CENPH: variants seen among roughly 807,000 people sequenced by gnomAD.
CENPH encodes the protein centromere protein H.
CENPH carries 40 observed loss-of-function variants against 42.9 expected under a neutral mutation model. The observed-to-expected ratio is 0.93, with a 90% CI of 0.72 to 1.21. The LOEUF is 1.21. CENPH is among the 50% of genes most tolerant of loss of function. The pLI is 0.00. For synonymous variants in CENPH, 88 were observed against 96.5 expected, an observed-to-expected ratio of 0.91 and a Z score of 0.52; for missense variants, 302 against 292.9, an observed-to-expected ratio of 1.03 and a Z score of -0.23.
intron 4 of CENPH, among the ~76,000 whole-genome samples, chr5:69,196,280 A>G (rs562348339): frequency 8.5e-5 from 13 of 152,262 alleles, no homozygotes; most frequent in Admixed American, 3.9e-4. Flanking sequence ...ATGCTCCTCA[A>G]TTTGCAGTGG....
chr5:69,195,282 T>G (rs1005946409), intron 3 of CENPH, among the ~76,000 whole-genome samples: 3 of 152,104 alleles, frequency 2.0e-5, no homozygotes, highest in African/African-American at 7.2e-5. Flanking sequence ...CCCAGGCTGT[T>G]CTCAAACTCC....
chr5:69,203,361 T>G (rs1748089448), intron 7 of CENPH, among the ~76,000 whole-genome samples: 1 of 143,594 alleles, frequency 7.0e-6, no homozygotes, highest in Non-Finnish European at 1.6e-5. Context: ...TAAAAAAAAT[T>G]TTTTAATATG....
chr5:69,199,485 G>T (rs548824573), intron 5 of CENPH, among the ~76,000 whole-genome samples: 49 of 152,276 alleles, frequency 3.2e-4, no homozygotes, highest in African/African-American at 1.2e-3. Context: ...CAAATTAAGG[G>T]TTTATATAGC....
chr5:69,191,612 G>A (rs1747873473), intron 1 of CENPH, among the ~76,000 whole-genome samples, 183 bp from the exon 2 acceptor site: 2 of 152,290 alleles, frequency 1.3e-5, no homozygotes, highest in Admixed American at 1.3e-4. Context: ...AGGCCTTAAA[G>A]TTCTTTATAC....
intron 5 of CENPH, 98 bp from the exon 6 acceptor site, chr5:69,202,408 G>T (rs1451053274): frequency 1.4e-6 from 1 of 711,576 alleles, no homozygotes; most frequent in Non-Finnish European, 2.4e-6. Flanking sequence ...TTTAATGAAA[G>T]TAAGTTTTCA....
chr5:69,195,600 A>G (rs1046631732), intron 3 of CENPH, 117 bp from the exon 4 acceptor site: 1 of 634,410 alleles, frequency 1.6e-6, no homozygotes, highest in Non-Finnish European at 2.8e-6. Flanking sequence ...GAGCCTGTAG[A>G]ATACTTGTAT....
rs887788590 is a variant in CENPH, at chr5:69,198,171, C to T, written c.371+1062C>T. ...TCCTGACCTCGTGATCCACCCGCCT[C>T]GGCCTCCCAAAGTCCTGGGATTACA... is the stretch of plus-strand genomic sequence containing the variant. On this transcript the variant is annotated intron_variant, in intron 5 of 8. Transcript: ENST00000283006. Among the ~76,000 whole-genome samples the T allele has an allele frequency of 1.2e-4, 18 of 151,988 alleles. No individual in the cohort carries two copies. The East Asian group carries it at 2.7e-3, about 23-fold the overall frequency.
chr5:69,196,131 G>A lies in CENPH; in HGVS notation c.314+340G>A, dbSNP rs185579653. Among the ~76,000 whole-genome samples the A allele has an allele frequency of 1.2e-3, 187 of 151,956 alleles. 1 individual carries two copies. The highest frequency in any genetic ancestry group is 4.4e-3 in the African/African-American group (182 of 41,450). On this transcript the variant is annotated intron_variant, in intron 4 of 8. Coordinates refer to ENST00000283006, the MANE Select transcript of CENPH (RefSeq NM_022909.4). ...TTTTTTTTATTTTTTATGGAGATGG[G>A]GTCTCACTGTGCCCAGGCTGGTCTT...
At position 69,195,789 on chromosome 5, in the gene CENPH, C is replaced by T; in HGVS notation, c.312C>T (p.Asp104=). The T allele has an allele frequency of 6.9e-7, 1 of 1,453,362 alleles. No individual in the cohort carries two copies. The highest frequency in any genetic ancestry group is 9.5e-7 in the Non-Finnish European group (1 of 1,053,688). The allele number at this position is 1,453,362 out of a possible 1,614,324, so 90.0% of individuals were successfully genotyped here. A position where few individuals can be genotyped will look rare whatever the true frequency, so the allele number is the denominator to read the frequency against. ...VAFEIKKLAL[D]RMRLSTALKK... ...TTGAGATAAAAAAGCTTGCATTAGA[C>T]AGGTAATTATTACATTTTAAATATA... is the stretch of plus-strand genomic sequence containing the variant. Residue 104 remains aspartate, a splice_region_variant and synonymous_variant, in exon 4 of 9, where the codon GAC becomes GAT. Coordinates refer to ENST00000283006, the MANE Select transcript of CENPH (RefSeq NM_022909.4).
At chr5:69,191,927 C>A in intron 2 of CENPH, 77 bp downstream of exon 2, 1 of 858,112 alleles carries the variant, frequency 1.2e-6, no homozygotes, top group East Asian at 2.5e-5. Context: ...TGCTATCACC[C>A]AGGCTGTAAT....
intron 3 of CENPH, 47 bp downstream of exon 3, chr5:69,194,742 A>G (rs774514413): frequency 8.4e-7 from 1 of 1,194,746 alleles, no homozygotes; most frequent in Non-Finnish European, 1.2e-6. Context: ...CTAAGATTTA[A>G]TCATATTTTC....
intron 2 of CENPH, among the ~76,000 whole-genome samples, chr5:69,192,746 AGT>A (rs1747897130): frequency 6.6e-6 from 1 of 152,176 alleles, no homozygotes; most frequent in South Asian, 2.1e-4. Context: ...TGGGCAACAG[AGT>A]GAGACTGTCA....
chr5:69,209,154 T>C (rs1004247174), intron 8 of CENPH, among the ~76,000 whole-genome samples: 2 of 152,116 alleles, frequency 1.3e-5, no homozygotes, highest in Non-Finnish European at 2.9e-5. Context: ...GCATAAAAAA[T>C]TATTGTAAAC....
chr5:69,208,044 C>A lies in CENPH; in HGVS notation c.488-152C>A, dbSNP rs572881248. The A allele has an allele frequency of 9.0e-6, 4 of 444,112 alleles. No homozygotes were observed. The South Asian group carries it at 1.7e-4, about 19-fold the overall frequency. 27.5% of individuals were successfully genotyped at this position (444,112 alleles called of 1,614,324 possible). ...TATTTTGCACCAGGGAAGTCATTTTCAGATCGTAATAAAGTTGCAACCTAA... is the reference window on the plus strand; with the variant it reads ...TATTTTGCACCAGGGAAGTCATTTTAAGATCGTAATAAAGTTGCAACCTAA... On this transcript the variant is annotated intron_variant, in intron 7 of 8. Coordinates refer to ENST00000283006, the MANE Select transcript of CENPH (RefSeq NM_022909.4).
At chr5:69,201,811 T>C (rs1247231722) in intron 5 of CENPH, among the ~76,000 whole-genome samples, 1 of 152,198 alleles carries the variant, frequency 6.6e-6, no homozygotes, top group Non-Finnish European at 1.5e-5. Context: ...GAAGCTGTGA[T>C]TGTGCCAGTG....
chr5:69,189,934 G>A (rs1747838442), intron 1 of CENPH, among the ~76,000 whole-genome samples, 166 bp downstream of exon 1: 1 of 152,236 alleles, frequency 6.6e-6, no homozygotes, highest in Non-Finnish European at 1.5e-5. Flanking sequence ...CAGCGAAAAG[G>A]AGAGAAAAAT....
chr5:69,209,863 T>C lies in CENPH; in HGVS notation c.*64T>C. The C allele has an allele frequency of 1.1e-6, 1 of 912,726 alleles. No individual in the cohort carries two copies. The highest frequency in any genetic ancestry group is 1.8e-6 in the Non-Finnish European group (1 of 559,200). The allele number at this position is 912,726 out of a possible 1,614,324, so 56.5% of individuals were successfully genotyped here. On this transcript the variant is annotated 3_prime_UTR_variant, in exon 9 of 9. Coordinates refer to ENST00000283006, the MANE Select transcript of CENPH (RefSeq NM_022909.4). ...TCTCAACTCTTATTTGGAATACTTC[T>C]GTGCATTTGTCTGTCCACCGTAATT...
At chr5:69,194,951 C>T (rs2112083535) in intron 3 of CENPH, among the ~76,000 whole-genome samples, 1 of 150,448 alleles carries the variant, frequency 6.6e-6, no homozygotes, top group Middle Eastern at 3.4e-3. Flanking sequence ...ATTTTAGGGC[C>T]AGGCACGGTG....
intron 5 of CENPH, 69 bp from the exon 6 acceptor site, chr5:69,202,437 A>C: frequency 3.5e-6 from 3 of 864,622 alleles, no homozygotes; most frequent in Non-Finnish European, 5.7e-6. Flanking sequence ...TTCCTTCATT[A>C]ATGACAGCTA....
Sources: allele counts gnomAD v4.1 joint callset (sites outside exome capture counted in the v4.1 genomes callset), GRCh38; gene constraint gnomAD v4.1.1; transcripts MANE v1.5; gene names NCBI Gene and HGNC (gene_info 2026-07-23, HGNC 2026-07-21).